Variants in GNRH1 observed in about 807,000 individuals in gnomAD.
GNRH1 encodes the protein gonadotropin releasing hormone 1, also known as progonadoliberin-1.
A neutral mutation model predicts 13.6 loss-of-function variants in GNRH1; 9 were observed. That is an observed-to-expected ratio of 0.66 (90% CI 0.40 to 1.15). GNRH1 has a LOEUF of 1.15. GNRH1 is among the 50% of genes most tolerant of loss of function. The pLI is 0.01. For synonymous variants in GNRH1, 44 were observed against 40.1 expected, an observed-to-expected ratio of 1.10 and a Z score of -0.37; for missense variants, 116 against 110.8, an observed-to-expected ratio of 1.05 and a Z score of -0.21.
At chr8:25,423,887 G>T (rs1490867782) in intron 1 of GNRH1, 2 of 155,360 alleles carry the variant, frequency 1.3e-5, no homozygotes, top group African/African-American at 4.8e-5. Flanking sequence ...ACTGTTCAAA[G>T]TAGTTAGTCC....
chr8:25,421,774 G>A, intron 2 of GNRH1, 106 bp from the exon 3 acceptor site: 1 of 569,558 alleles, frequency 1.8e-6, no homozygotes, highest in Non-Finnish European at 3.3e-6. Flanking sequence ...GGGATGTGGG[G>A]CTGGGGGAGA....
intron 3 of GNRH1, 134 bp downstream of exon 3, chr8:25,421,439 C>T (rs1801770409): frequency 3.3e-6 from 2 of 598,304 alleles, no homozygotes. Context: ...CACGGTCCTA[C>T]CACAGGAGGT....
intron 2 of GNRH1, among the ~76,000 whole-genome samples, chr8:25,422,542 T>C (rs1386431697): frequency 1.3e-5 from 2 of 152,200 alleles, no homozygotes; most frequent in African/African-American, 4.8e-5. Context: ...AGCGAGACCC[T>C]GTCTTAGAAA....
At position 25,423,281 on chromosome 8, in the gene GNRH1, C is replaced by T. The variant is rs899042280; in HGVS notation, c.50G>A (p.Cys17Tyr). 6 of 1,611,950 alleles carry T rather than the reference C, an allele frequency of 3.7e-6. No homozygotes were observed. The highest frequency in any genetic ancestry group is 1.1e-5 in the South Asian group (1 of 91,040). Residue 17 changes from cysteine (C) to tyrosine (Y), a missense_variant, in exon 2 of 4, where the codon TGC becomes TAC. By Grantham distance (194) the Cys-to-Tyr change is radical. Transcript: ENST00000421054. ...LLAGLILLTW[C>Y]VEGCSSQHWS... is the part of the protein sequence containing the mutation. ...GTGCTGGCTGGAGCAGCCTTCCACGCACCAAGTCAGTAGAATAAGGCCAGC... is the reference window on the plus strand; with the variant it reads ...GTGCTGGCTGGAGCAGCCTTCCACGTACCAAGTCAGTAGAATAAGGCCAGC...
chr8:25,421,524 C>A, intron 3 of GNRH1, 49 bp downstream of exon 3: 1 of 975,698 alleles, frequency 1.0e-6, no homozygotes, highest in South Asian at 1.3e-5. Context: ...AAGGCTTATC[C>A]ACCTCTAGAG....
chr8:25,423,088 TACA>T, intron 2 of GNRH1, 99 bp downstream of exon 2: 3 of 913,030 alleles, frequency 3.3e-6, no homozygotes, highest in Middle Eastern at 2.3e-4. Flanking sequence ...GCATCTAGGG[TACA>T]ACATCATAGA....
intron 1 of GNRH1, chr8:25,423,569 C>G: frequency 1.8e-6 from 1 of 545,138 alleles, no homozygotes; most frequent in Non-Finnish European, 3.3e-6. Flanking sequence ...CTTTTTAGTA[C>G]TAAAATAGTC....
chr8:25,419,413 A>G lies in GNRH1; in HGVS notation c.*6T>C, dbSNP rs1801743715. ...AGTAATGGTCATTCCTTCTGGCCCA[A>G]TGGATTTAAATCTTCTTCTGCCCAG... On this transcript the variant is annotated 3_prime_UTR_variant, in exon 4 of 4. Transcript: ENST00000421054. 7 of 1,446,838 alleles carry G rather than the reference A, an allele frequency of 4.8e-6. No individual in the cohort carries two copies. The highest frequency in any genetic ancestry group is 6.8e-6 in the Non-Finnish European group (7 of 1,027,458). 89.6% of individuals were successfully genotyped at this position (1,446,838 alleles called of 1,614,324 possible).
upstream of GNRH1, chr8:25,424,426 C>G (rs1801816616): frequency 6.6e-6 from 1 of 151,038 alleles, no homozygotes; most frequent in Admixed American, 6.6e-5. Flanking sequence ...GTAATTGGAA[C>G]ACCCCCTGGT....
chr8:25,421,518 CT>C (rs1801772445), intron 3 of GNRH1, 54 bp downstream of exon 3: 20 of 930,056 alleles, frequency 2.2e-5, no homozygotes, highest in South Asian at 4.1e-5. Flanking sequence ...TCCCCAAAGG[CT>C]TATCCACCTC....
At chr8:25,419,810 CAG>C (rs1801748455) in intron 3 of GNRH1, among the ~76,000 whole-genome samples, 1 of 151,972 alleles carries the variant, frequency 6.6e-6, no homozygotes, top group African/African-American at 2.4e-5. Context: ...TTAGTAGAGA[CAG>C]GGTGTCACCA....
chr8:25,419,391 A>C lies in GNRH1; in HGVS notation c.*28T>G. On this transcript the variant is annotated 3_prime_UTR_variant, in exon 4 of 4. Coordinates refer to ENST00000421054, the MANE Select transcript of GNRH1 (RefSeq NM_001083111.2). ...AGAATTATACTTAAGTCATGTTAGT[A>C]ATGGTCATTCCTTCTGGCCCAATGG... 5 of 1,227,418 alleles carry C rather than the reference A, an allele frequency of 4.1e-6. No homozygotes were observed. Among genetic ancestry groups the C allele is most frequent in the Non-Finnish European group, 4.8e-6 (4 of 826,690 alleles). 76.0% of individuals were successfully genotyped at this position (1,227,418 alleles called of 1,614,324 possible).
Position 25,423,259 on chromosome 8 carries a change from C to A in GNRH1, c.72G>T (p.Gln24His). ...LTWCVEGCSSQHWSYGLRPGG... is the reference protein window; with the variant it reads ...LTWCVEGCSSHHWSYGLRPGG... ...CAGGGCGCAGTCCATAGGACCAGTG[C>A]TGGCTGGAGCAGCCTTCCACGCACC... The change falls in exon 2 of 4, where the codon CAG becomes CAT. Residue 24 changes from glutamine (Q) to histidine (H), a missense_variant. By Grantham distance (24) the Gln-to-His change is conservative. Transcript: ENST00000421054. 1 of 1,611,850 alleles carries A rather than the reference C, an allele frequency of 6.2e-7. No homozygotes were observed.
chr8:25,421,537 C>G (rs1334115684), intron 3 of GNRH1, 36 bp downstream of exon 3: 1 of 1,077,120 alleles, frequency 9.3e-7, no homozygotes, highest in Non-Finnish European at 1.4e-6. Flanking sequence ...CTCTAGAGCT[C>G]TATGCTGTGA....
intron 3 of GNRH1, among the ~76,000 whole-genome samples, 155 bp from the exon 4 acceptor site, chr8:25,419,615 T>C (rs894076752): frequency 2.0e-5 from 3 of 152,004 alleles, no homozygotes; most frequent in African/African-American, 7.2e-5. Flanking sequence ...AAATTGGGTT[T>C]GTTTTTCTGG....
chr8:25,423,361 G>C, intron 1 of GNRH1, 30 bp from the exon 2 acceptor site: 2 of 1,603,446 alleles, frequency 1.2e-6, no homozygotes, highest in South Asian at 2.2e-5. Context: ...AATCAAATTA[G>C]ATCCAGACAA....
In GNRH1 at chr8:25,419,504, T is replaced by A. The variant is rs369666895; in HGVS notation, c.238-44A>T. ...ATATATCAAGACTGACTTTACCAGC[T>A]GAATTTCATTACATTTTGACATTTT... On this transcript the variant is annotated intron_variant, in intron 3 of 3. Coordinates refer to ENST00000421054, the MANE Select transcript of GNRH1 (RefSeq NM_001083111.2). 2.7e-5 allele frequency: 25 copies of A among 927,906 alleles called. No individual in the cohort carries two copies. The African/African-American group carries it at 3.7e-4, about 14-fold the overall frequency. The allele number at this position is 927,906 out of a possible 1,614,324, so 57.5% of individuals were successfully genotyped here. A position where few individuals can be genotyped will look rare whatever the true frequency, so the allele number is the denominator to read the frequency against.
Position 25,419,450 on chromosome 8 carries a change from A to G in GNRH1, c.248T>C (p.Ile83Thr), listed in dbSNP as rs1306649767. The G allele has an allele frequency of 6.8e-6, 10 of 1,466,376 alleles. No homozygotes were observed. Among genetic ancestry groups the G allele is most frequent in the South Asian group, 2.3e-5 (2 of 88,100 alleles). The allele number at this position is 1,466,376 out of a possible 1,614,324, so 90.8% of individuals were successfully genotyped here. A position where few individuals can be genotyped will look rare whatever the true frequency, so the allele number is the denominator to read the frequency against. The change falls in exon 4 of 4, where the codon ATT becomes ACT. Residue 83 changes from isoleucine to threonine, a missense_variant. Transcript: ENST00000421054. ...RDLKGALESL[I>T]EEETGQKKI ...CTTCTTCTGCCCAGTTTCCTCTTCAATCAGACTTTCCTGAAAAATATATAA... is the reference window on the plus strand; with the variant it reads ...CTTCTTCTGCCCAGTTTCCTCTTCAGTCAGACTTTCCTGAAAAATATATAA...
upstream of GNRH1, chr8:25,424,510 A>G (rs1801817765): frequency 1.3e-5 from 2 of 152,188 alleles, no homozygotes; most frequent in Admixed American, 1.3e-4. Context: ...ACACAATTCA[A>G]AGAGATTAAA....
Sources: gnomAD v4.1 joint callset for allele counts (sites outside exome capture counted in the v4.1 genomes callset) on GRCh38, gnomAD v4.1.1 for gene constraint, MANE v1.5 for transcripts, NCBI Gene and HGNC (gene_info 2026-07-23, HGNC 2026-07-21) for gene names.